Variants in OPCML observed in about 807,000 individuals in gnomAD.
OPCML encodes opioid binding protein/cell adhesion molecule like.
A neutral mutation model predicts 37.8 loss-of-function variants in OPCML; 13 were observed. That is an observed-to-expected ratio of 0.34 (90% CI 0.22 to 0.55). The LOEUF (loss-of-function observed/expected upper bound fraction) is 0.55. Ranked by LOEUF, OPCML falls within the 20% of genes least tolerant of loss-of-function variation. The pLI is 0.91. For synonymous variants in OPCML, 176 were observed against 168.8 expected (o/e 1.04, Z -0.33); for missense variants, 341 against 435.6 (o/e 0.78, Z 1.93).
At chr11:133,219,709 C>G (rs1358319809) in intron 1 of OPCML, among the ~76,000 whole-genome samples, 1 of 152,132 alleles carries the variant, frequency 6.6e-6, no homozygotes, top group Non-Finnish European at 1.5e-5. Flanking sequence ...AGCCCAGAAT[C>G]ATTTAACTCA....
intron 2 of OPCML, among the ~76,000 whole-genome samples, chr11:132,684,700 A>C (rs1943094731): frequency 1.3e-5 from 2 of 152,204 alleles, no homozygotes; most frequent in Non-Finnish European, 2.9e-5. Context: ...ACAAAGAATT[A>C]ATCAGCAGTG....
At chr11:132,451,164 A>G (rs1387325341) in intron 4 of OPCML, among the ~76,000 whole-genome samples, 2 of 152,198 alleles carry the variant, frequency 1.3e-5, no homozygotes, top group Non-Finnish European at 1.5e-5. Flanking sequence ...TTAAATCTCA[A>G]TTACAAAGCA....
intron 2 of OPCML, among the ~76,000 whole-genome samples, chr11:132,815,203 C>T (rs886409015): frequency 7.2e-5 from 11 of 152,302 alleles, no homozygotes; most frequent in South Asian, 2.1e-4. Context: ...CTTTCTAAAA[C>T]GTCTATCGGA....
At chr11:132,664,930 G>A (rs1195368972) in intron 2 of OPCML, among the ~76,000 whole-genome samples, 1 of 152,222 alleles carries the variant, frequency 6.6e-6, no homozygotes, top group Non-Finnish European at 1.5e-5. Flanking sequence ...CTTAAGGAGA[G>A]TACAGCACAA....
chr11:132,720,566 A>G (rs974166869), intron 2 of OPCML, among the ~76,000 whole-genome samples: 3 of 152,182 alleles, frequency 2.0e-5, no homozygotes, highest in Non-Finnish European at 4.4e-5. Flanking sequence ...CCACTAGTTC[A>G]CTGGTGTAGC....
chr11:133,044,396 A>C (rs1337995868), intron 1 of OPCML, among the ~76,000 whole-genome samples: 1 of 152,206 alleles, frequency 6.6e-6, no homozygotes, highest in East Asian at 1.9e-4. Context: ...AACAGAGAAC[A>C]GGGGAGTAGG....
chr11:133,258,844 G>A (rs1941404328), intron 1 of OPCML, among the ~76,000 whole-genome samples: 2 of 152,120 alleles, frequency 1.3e-5, no homozygotes, highest in Non-Finnish European at 2.9e-5. Flanking sequence ...CCTGCCCAGA[G>A]ATCTCCCCAG....
At chr11:133,256,492 T>C (rs1259033432) in intron 1 of OPCML, among the ~76,000 whole-genome samples, 2 of 152,226 alleles carry the variant, frequency 1.3e-5, no homozygotes, top group African/African-American at 4.8e-5. Flanking sequence ...CTATGATTAT[T>C]CCTTAGAGAA....
At position 132,931,896 on chromosome 11, in the gene OPCML, T is replaced by A. The variant is rs182315987; in HGVS notation, c.146+11030A>T. Among the ~76,000 whole-genome samples the A allele has an allele frequency of 1.2e-3, 176 of 152,240 alleles. 1 individual carries two copies. Among genetic ancestry groups the A allele is most frequent in the African/African-American group, 4.1e-3 (171 of 41,558 alleles). On this transcript the variant is annotated intron_variant, in intron 2 of 7. Coordinates refer to ENST00000524381, the MANE Select transcript of OPCML (RefSeq NM_001012393.5). Reference sequence around the variant, plus strand: ...AAGCATCAATCAAAGGATGAATGAATAAACAAACGTGGCCTATACATGCAA... The same window carrying A: ...AAGCATCAATCAAAGGATGAATGAAAAAACAAACGTGGCCTATACATGCAA...
At chr11:132,489,801 G>A (rs151012019) in intron 4 of OPCML, among the ~76,000 whole-genome samples, 74 of 152,068 alleles carry the variant, frequency 4.9e-4, no homozygotes, top group Admixed American at 3.3e-3. Flanking sequence ...TTTAAGCCCC[G>A]CATGCATTAG....
chr11:132,621,084 T>A (rs1321555391), intron 3 of OPCML, among the ~76,000 whole-genome samples: 1 of 152,258 alleles, frequency 6.6e-6, no homozygotes, highest in Non-Finnish European at 1.5e-5. Flanking sequence ...GATTGGTGCA[T>A]TTAATGTGGT....
intron 2 of OPCML, among the ~76,000 whole-genome samples, chr11:132,732,028 T>C (rs1447215629): frequency 6.6e-6 from 1 of 152,208 alleles, no homozygotes; most frequent in Admixed American, 6.5e-5. Context: ...ATTTAATAAG[T>C]ATTATTTTAA....
At position 133,140,757 on chromosome 11, in the gene OPCML, AGAC is replaced by A. The variant is rs778976654; in HGVS notation, c.62-197750_62-197748del. Among the ~76,000 whole-genome samples, 8 of 63,004 alleles carry A rather than the reference AGAC, an allele frequency of 1.3e-4. 1 individual carries two copies. Among genetic ancestry groups the A allele is most frequent in the African/African-American group, 2.9e-4 (7 of 23,790 alleles). The allele number at this position is 63,004 out of a possible 152,430, so 41.3% of individuals were successfully genotyped here. On this transcript the variant is annotated intron_variant, in intron 1 of 7. Transcript: ENST00000524381. ...ACGACGACGACGACGAGGAAGAAGA[AGAC>A]GACGAAGAAGAAGAAGAAGAAGACG...
At chr11:132,923,755 AT>A (rs71038509) in intron 2 of OPCML, among the ~76,000 whole-genome samples, 3,987 of 91,934 alleles carry the variant, frequency 0.043, 22 homozygotes, top group Middle Eastern at 0.09. Context: ...AGTTACTTGA[AT>A]TTTTTTTTTT....
intron 2 of OPCML, among the ~76,000 whole-genome samples, chr11:132,737,373 G>A (rs2136027627): frequency 6.6e-6 from 1 of 152,184 alleles, no homozygotes; most frequent in Admixed American, 6.5e-5. Flanking sequence ...CAATAGAGAT[G>A]AAAAATCACA....
chr11:133,419,652 G>C (rs930261368), intron 1 of OPCML, among the ~76,000 whole-genome samples: 4 of 152,108 alleles, frequency 2.6e-5, no homozygotes, highest in Non-Finnish European at 4.4e-5. Context: ...ATTGACCATG[G>C]CGAGCATATT....
chr11:133,484,265 G>T (rs1947481569), intron 1 of OPCML, among the ~76,000 whole-genome samples: 1 of 151,964 alleles, frequency 6.6e-6, no homozygotes, highest in Admixed American at 6.6e-5. Flanking sequence ...TGGAAAATGG[G>T]GATATCAAAG....
At chr11:133,074,747 TA>T (rs1250581766) in intron 1 of OPCML, among the ~76,000 whole-genome samples, 2 of 152,170 alleles carry the variant, frequency 1.3e-5, no homozygotes, top group African/African-American at 4.8e-5. Flanking sequence ...ATGAGAACAT[TA>T]AATCCAGCCC....
At chr11:133,015,872 C>T (rs59395406) in intron 1 of OPCML, among the ~76,000 whole-genome samples, 52,550 of 151,900 alleles carry the variant, frequency 0.35, 9,677 homozygotes, top group South Asian at 0.45. Flanking sequence ...CTAACAAATC[C>T]TATGCCTCCT....
Sources: gnomAD v4.1 joint callset for allele counts (sites outside exome capture counted in the v4.1 genomes callset) on GRCh38, gnomAD v4.1.1 for gene constraint, MANE v1.5 for transcripts, NCBI Gene and HGNC (gene_info 2026-07-23, HGNC 2026-07-21) for gene names.